SASH1: variants seen among roughly 807,000 people sequenced by gnomAD.
SASH1 encodes the protein SAM and SH3 domain-containing protein 1.
A neutral mutation model predicts 125.2 loss-of-function variants in SASH1; 44 were observed. That is an observed-to-expected ratio of 0.35 (90% CI 0.28 to 0.45). The LOEUF is 0.45. Ranked by LOEUF, SASH1 falls within the 20% of genes least tolerant of loss-of-function variation. The pLI, the probability that SASH1 is intolerant of heterozygous loss-of-function variation, is 1.00. For missense variants in SASH1, 1,426 were observed against 1,614.5 expected, an observed-to-expected ratio of 0.88 and a Z score of 2.00; for synonymous variants, 639 against 649.1, an observed-to-expected ratio of 0.98 and a Z score of 0.24.
intron 16 of SASH1, among the ~76,000 whole-genome samples, chr6:148,539,184 CTTTT>C (rs1010791553): frequency 1.3e-5 from 2 of 150,684 alleles, no homozygotes; most frequent in East Asian, 3.9e-4. Flanking sequence ...TGAGGTCTTC[CTTTT>C]TTTTTCTTTA....
At chr6:148,400,502 C>T (rs1784128710) in intron 2 of SASH1, among the ~76,000 whole-genome samples, 1 of 152,214 alleles carries the variant, frequency 6.6e-6, no homozygotes. Flanking sequence ...GTAATCCCAG[C>T]ACTTTGGGAG....
At chr6:148,485,802 C>T (rs562889354) in intron 7 of SASH1, among the ~76,000 whole-genome samples, 2 of 152,298 alleles carry the variant, frequency 1.3e-5, no homozygotes, top group Admixed American at 1.3e-4. Context: ...TCCTCAAGCT[C>T]CAGGGCTTCG....
intron 7 of SASH1, among the ~76,000 whole-genome samples, chr6:148,475,538 A>C (rs973879121): frequency 6.6e-6 from 1 of 152,144 alleles, no homozygotes; most frequent in Admixed American, 6.5e-5. Context: ...ATGCTACCCT[A>C]TCACCTCCCA....
intron 12 of SASH1, 147 bp from the exon 13 acceptor site, chr6:148,531,378 GT>G: frequency 1.7e-6 from 1 of 604,316 alleles, no homozygotes; most frequent in Non-Finnish European, 2.5e-6. Context: ...GAGGATGTAA[GT>G]TTAAGAGGAG....
Position 148,521,540 on chromosome 6 carries a change from T to C in SASH1, c.1209+1647T>C, listed in dbSNP as rs577330798. Among the ~76,000 whole-genome samples, 3 of 152,358 alleles carry C rather than the reference T, an allele frequency of 2.0e-5. No homozygotes were observed. In the East Asian group the frequency reaches 5.8e-4, roughly 29 times the overall value. ...TCCACATATTTCCACATGTTGACTT[T>C]CCTTATTTTCTGTCCTTTCATATTC... is the stretch of plus-strand genomic sequence containing the variant. On this transcript the variant is annotated intron_variant, in intron 10 of 19. Transcript: ENST00000367467.
At chr6:148,249,538 G>C in the SASH1 span, among the ~76,000 whole-genome samples, 3 of 152,172 alleles carry the variant, frequency 2.0e-5, no homozygotes, top group Non-Finnish European at 4.4e-5. Context: ...AGACAGATAG[G>C]GGTACGAATC....
chr6:148,507,736 G>A (rs1486025701), intron 8 of SASH1, among the ~76,000 whole-genome samples: 6 of 152,232 alleles, frequency 3.9e-5, no homozygotes, highest in African/African-American at 7.2e-5. Flanking sequence ...TGGTTCCTAC[G>A]CATCCCTGAG....
intron 1 of SASH1, among the ~76,000 whole-genome samples, chr6:148,372,682 A>G (rs534268303): frequency 1.3e-5 from 2 of 148,500 alleles, no homozygotes; most frequent in African/African-American, 4.9e-5. Flanking sequence ...ATGTTGATTG[A>G]TTGTTTCATT....
chr6:148,289,188 A>G (rs1338953725), intron 1 of SASH1, among the ~76,000 whole-genome samples: 1 of 152,154 alleles, frequency 6.6e-6, no homozygotes, highest in East Asian at 1.9e-4. Context: ...GTTTCAAGGG[A>G]TTGTTTGTTT....
At chr6:148,276,005 GC>G (rs1487580165) in intron 1 of SASH1, among the ~76,000 whole-genome samples, 4 of 152,186 alleles carry the variant, frequency 2.6e-5, no homozygotes, top group African/African-American at 4.8e-5. Flanking sequence ...TCAGGCATGA[GC>G]CACTGTGCCT....
chr6:148,378,964 T>C (rs1783023241), intron 1 of SASH1, among the ~76,000 whole-genome samples: 1 of 152,204 alleles, frequency 6.6e-6, no homozygotes. Flanking sequence ...AGTTTGGTTT[T>C]TCTAGCTGGT....
intron 1 of SASH1, among the ~76,000 whole-genome samples, chr6:148,359,100 G>A (rs1237219154): frequency 2.1e-5 from 3 of 143,080 alleles, no homozygotes; most frequent in Admixed American, 7.0e-5. Context: ...AAAAATACAA[G>A]TATGTATATA....
intron 8 of SASH1, among the ~76,000 whole-genome samples, chr6:148,498,452 A>G (rs1779412458): frequency 6.6e-6 from 1 of 152,112 alleles, no homozygotes; most frequent in Non-Finnish European, 1.5e-5. Context: ...CCACATTGAT[A>G]AAAACAAATG....
rs67285564 is a variant in SASH1 at position 148,351,191 on chromosome 6, GTTTTTTT to G, written c.156+7985_156+7991del. On this transcript the variant is annotated intron_variant, in intron 1 of 19. Transcript: ENST00000367467. Reference sequence around the variant, plus strand: ...CTAGTATTTCCTTTCTGCGATAGTAGTTTTTTTTTTTTTTTTTTTTTTTCTGAAAGGC... The same window carrying G: ...CTAGTATTTCCTTTCTGCGATAGTAGTTTTTTTTTTTTTTTTCTGAAAGGC... Among the ~76,000 whole-genome samples, 451 of 102,156 alleles carry G rather than the reference GTTTTTTT, an allele frequency of 4.4e-3. 2 individuals are homozygous for G. Among genetic ancestry groups the G allele is most frequent in the African/African-American group, 0.015 (428 of 29,266 alleles). 67.0% of individuals were successfully genotyped at this position (102,156 alleles called of 152,430 possible). A position where few individuals can be genotyped will look rare whatever the true frequency, so the allele number is the denominator to read the frequency against.
At chr6:148,522,342 A>G (rs954299355) in intron 10 of SASH1, among the ~76,000 whole-genome samples, 2 of 151,984 alleles carry the variant, frequency 1.3e-5, no homozygotes, top group African/African-American at 4.9e-5. Context: ...TACAATAGAA[A>G]GAACTTTTTT....
At chr6:148,227,773 T>C in the SASH1 span, among the ~76,000 whole-genome samples, 12 of 152,356 alleles carry the variant, frequency 7.9e-5, no homozygotes, top group East Asian at 2.3e-3. Flanking sequence ...TCCTGTATCT[T>C]TTTGTACACA....
chr6:148,533,762 G>C lies in SASH1; in HGVS notation c.1735-9G>C, dbSNP rs777885531. On this transcript the variant is annotated splice_polypyrimidine_tract_variant and intron_variant, in intron 14 of 19. Transcript: ENST00000367467. The surrounding 1 kb of genome is among the most constrained non-coding windows in gnomAD (Gnocchi z 6.2). ...CCTAATGGAAAGATCTTTGCTCCCT[G>C]GGCCACAGAAAGGAGATATCATCGA... 1 of 1,609,640 alleles carries C rather than the reference G, an allele frequency of 6.2e-7. No homozygotes were observed. The highest frequency in any genetic ancestry group is 8.5e-7 in the Non-Finnish European group (1 of 1,177,526).
chr6:148,423,773 G>A (rs186082045), intron 2 of SASH1, among the ~76,000 whole-genome samples: 117 of 152,154 alleles, frequency 7.7e-4, no homozygotes, highest in East Asian at 5.8e-4. Flanking sequence ...GGAAACACTC[G>A]TTGAATAGAT....
the SASH1 span, among the ~76,000 whole-genome samples, chr6:148,252,319 A>G: frequency 1.9e-4 from 29 of 152,132 alleles, no homozygotes; most frequent in Non-Finnish European, 3.5e-4. Context: ...ACCTATAACA[A>G]GCGAATTCTG....
Sources: gnomAD v4.1 joint callset for allele counts (sites outside exome capture counted in the v4.1 genomes callset) on GRCh38, gnomAD v4.1.1 for gene constraint, Gnocchi (gnomAD v3.1) non-coding constraint, MANE v1.5 for transcripts, NCBI Gene and HGNC (gene_info 2026-07-23, HGNC 2026-07-21) for gene names.